The following JAK2 variants were observed in gnomAD, a reference collection of about 807,000 sequenced individuals.
JAK2 encodes the protein tyrosine-protein kinase JAK2.
In JAK2, 86 loss-of-function variants were observed where a neutral mutation model predicts 139.3. The ratio of observed to expected loss-of-function variants is 0.62; its 90% CI spans 0.52 to 0.74. The LOEUF is 0.74. Ranked by LOEUF, JAK2 falls within the 30% of genes least tolerant of loss-of-function variation. JAK2 has a pLI of 0.00. For synonymous variants in JAK2, 490 were observed against 437.7 expected, an observed-to-expected ratio of 1.12 and a Z score of -1.49; for missense variants, 1,421 against 1,360.3, an observed-to-expected ratio of 1.04 and a Z score of -0.70.
intron 22 of JAK2, chr9:5,098,092 G>A (rs1483078322): frequency 6.6e-6 from 1 of 152,034 alleles, no homozygotes; most frequent in Non-Finnish European, 1.5e-5. Flanking sequence ...CCTTTGTTTC[G>A]AAAAGAAAAA....
Position 5,129,901 on chromosome 9 carries a change from T to C in JAK2, c.*3110T>C, listed in dbSNP as rs1257088681. Among the ~76,000 whole-genome samples, 1 of 152,148 alleles carries C rather than the reference T, an allele frequency of 6.6e-6. No homozygotes were observed. Among genetic ancestry groups the C allele is most frequent in the Non-Finnish European group, 1.5e-5 (1 of 67,998 alleles). On this transcript the variant is annotated 3_prime_UTR_variant, in exon 25 of 25. Transcript: ENST00000381652. ...AATATTAAAATATTTACTTTTATAA[T>C]CTTACCTTTTATTTCAATATAAATA...
intron 11 of JAK2, 35 bp downstream of exon 11, chr9:5,069,243 G>A (rs754321059): frequency 7.0e-7 from 1 of 1,426,270 alleles, no homozygotes; most frequent in African/African-American, 1.4e-5. Context: ...TAAATTACTG[G>A]TCATGGATTG....
At chr9:5,112,407 G>A in intron 22 of JAK2, 1 of 467,760 alleles carries the variant, frequency 2.1e-6, no homozygotes, top group Non-Finnish European at 4.0e-6. Context: ...GGAGGAGGAT[G>A]AGGAGAACAC....
intron 22 of JAK2, chr9:5,108,082 C>G (rs912744285): frequency 6.6e-6 from 1 of 152,094 alleles, no homozygotes; most frequent in African/African-American, 2.4e-5. Context: ...CAACTTCTCA[C>G]TAGTTTTCTC....
rs143986130 is a variant in JAK2, at chr9:5,095,339, T to G, written c.3059+4428T>G. On this transcript the variant is annotated intron_variant, in intron 22 of 24. Transcript: ENST00000381652. The stretch of plus-strand genomic sequence containing the variant: ...TGAACAGGCCTAGGAATAAATATAG[T>G]AGTTCTTACCCCCATCTTGATTAAA... 8.2e-3 allele frequency among the ~76,000 whole-genome samples: 1,251 copies of G among 152,096 alleles called. 14 individuals carry two copies. Among genetic ancestry groups the G allele is most frequent in the African/African-American group, 0.029 (1,181 of 41,418 alleles).
rs757710499 is a variant in JAK2, at chr9:5,126,667, T to C, written c.3292-17T>C. The C allele has an allele frequency of 1.9e-6, 3 of 1,569,038 alleles. No individual in the cohort carries two copies. The Admixed American group carries it at 5.5e-5, about 29-fold the overall frequency. ...CCTTAGTGTTCATTTAATTTTGGTT[T>C]ATTTTCTCCTTTACAGATCTATATG... On this transcript the variant is annotated splice_polypyrimidine_tract_variant and intron_variant, in intron 24 of 24. Transcript: ENST00000381652.
chr9:5,029,429 T>C (rs1563937541), intron 3 of JAK2, among the ~76,000 whole-genome samples: 1 of 152,140 alleles, frequency 6.6e-6, no homozygotes, highest in Non-Finnish European at 1.5e-5. Context: ...ATTGCAAGAA[T>C]TACCAAAATG....
At chr9:5,026,114 T>A (rs1482489005) in intron 3 of JAK2, among the ~76,000 whole-genome samples, 2 of 152,230 alleles carry the variant, frequency 1.3e-5, no homozygotes, top group Non-Finnish European at 2.9e-5. Flanking sequence ...CTCTAACCTT[T>A]CTTTGGGATT....
chr9:5,055,001 G>T (rs1033681654), intron 7 of JAK2, 117 bp downstream of exon 7: 4 of 731,934 alleles, frequency 5.5e-6, no homozygotes, highest in Non-Finnish European at 8.7e-6. Flanking sequence ...GATAGAAGTG[G>T]AAGTTTTTAA....
chr9:5,057,164 A>G (rs988814409), intron 8 of JAK2, among the ~76,000 whole-genome samples: 1 of 152,120 alleles, frequency 6.6e-6, no homozygotes, highest in Non-Finnish European at 1.5e-5. Context: ...ATATTGATAC[A>G]TCATGTTTCT....
chr9:5,123,175 T>C, intron 23 of JAK2, 54 bp downstream of exon 23: 3 of 1,235,558 alleles, frequency 2.4e-6, no homozygotes, highest in Non-Finnish European at 3.5e-6. Flanking sequence ...TTGATTTTTA[T>C]AAATTTATGG....
rs1816844534 is a variant in JAK2 at position 5,044,387 on chromosome 9, T to C, written c.351-16T>C. ...AACTATTTGGAAGCTGACCAAATGT[T>C]TTTATTATCTTGTAGATTTTACTTT... On this transcript the variant is annotated splice_polypyrimidine_tract_variant and intron_variant, in intron 4 of 24. Transcript: ENST00000381652. The C allele has an allele frequency of 6.5e-7, 1 of 1,536,302 alleles. No individual in the cohort carries two copies. The highest frequency in any genetic ancestry group is 9.0e-7 in the Non-Finnish European group (1 of 1,110,014).
At chr9:5,019,921 T>A (rs1409366657) in intron 2 of JAK2, among the ~76,000 whole-genome samples, 1 of 152,222 alleles carries the variant, frequency 6.6e-6, no homozygotes, top group Non-Finnish European at 1.5e-5. Context: ...TCCTCAGTTG[T>A]GGCAGCAGTT....
At chr9:5,065,434 CA>C (rs1818502877) in intron 9 of JAK2, among the ~76,000 whole-genome samples, 1 of 152,114 alleles carries the variant, frequency 6.6e-6, no homozygotes, top group Non-Finnish European at 1.5e-5. Flanking sequence ...GGTTCAAACA[CA>C]AGATATATAT....
intron 19 of JAK2, chr9:5,085,531 T>G: frequency 1.4e-6 from 1 of 713,362 alleles, no homozygotes; most frequent in African/African-American, 1.7e-5. Flanking sequence ...CACCAAATCT[T>G]CAATAACTCG....
intron 16 of JAK2, among the ~76,000 whole-genome samples, chr9:5,079,641 A>T (rs755295364): frequency 7.2e-5 from 11 of 151,966 alleles, no homozygotes; most frequent in Non-Finnish European, 1.5e-4. Flanking sequence ...GATAAACTAT[A>T]TAAAAAAAAA....
In JAK2 at chr9:5,072,611, C is replaced by T. The variant is rs2130547009; in HGVS notation, c.1761C>T (p.His587=). ...TTTTAAAAGTTCTGGATAAAGCACACAGAAACTATTCAGAGGTGTGTATGT... is the reference window on the plus strand; with the variant it reads ...TTTTAAAAGTTCTGGATAAAGCACATAGAAACTATTCAGAGGTGTGTATGT... The part of the protein sequence containing the change: ...EVLLKVLDKA[H]RNYSESFFEA... Residue 587 remains histidine (H), a synonymous_variant, in exon 13 of 25, where the codon CAC becomes CAT. Coordinates refer to ENST00000381652, the MANE Select transcript of JAK2 (RefSeq NM_004972.4). 1.2e-6 allele frequency: 2 copies of T among 1,605,958 alleles called. No individual in the cohort carries two copies. Among genetic ancestry groups the T allele is most frequent in the Non-Finnish European group, 1.7e-6 (2 of 1,175,328 alleles).
intron 2 of JAK2, among the ~76,000 whole-genome samples, chr9:4,998,546 T>C (rs527584258): frequency 6.6e-5 from 10 of 151,966 alleles, no homozygotes; most frequent in South Asian, 2.1e-4. Context: ...TGAGCCACCA[T>C]GCCCGGCCAA....
At chr9:5,065,275 T>C (rs1818487836) in intron 9 of JAK2, among the ~76,000 whole-genome samples, 1 of 152,226 alleles carries the variant, frequency 6.6e-6, no homozygotes, top group African/African-American at 2.4e-5. Context: ...CATTTGTTAA[T>C]CATGCCTATG....
Sources: allele counts gnomAD v4.1 joint callset (sites outside exome capture counted in the v4.1 genomes callset), GRCh38; gene constraint gnomAD v4.1.1; transcripts MANE v1.5; gene names NCBI Gene and HGNC (gene_info 2026-07-23, HGNC 2026-07-21).